The following NAALADL2 variants were observed in gnomAD, a reference collection of about 807,000 sequenced individuals.
NAALADL2 encodes N-acetylated alpha-linked acidic dipeptidase like 2, also known as inactive N-acetylated-alpha-linked acidic dipeptidase-like protein 2.
NAALADL2 carries 76 observed loss-of-function variants against 87.2 expected under a neutral mutation model. The observed-to-expected ratio is 0.87, with a 90% CI of 0.72 to 1.05. NAALADL2 has a LOEUF of 1.05. NAALADL2 is among the 50% of genes least tolerant of loss of function. NAALADL2 has a pLI of 0.00. For synonymous variants in NAALADL2, 354 were observed against 331.0 expected (o/e 1.07, Z -0.75); for missense variants, 1,089 against 945.8 (o/e 1.15, Z -1.99).
chr3:174,703,104 T>C (rs6769163), intron 2 of NAALADL2, among the ~76,000 whole-genome samples: 5,937 of 152,224 alleles, frequency 0.039, 418 homozygotes, highest in African/African-American at 0.14. Flanking sequence ...GGGGAATTGA[T>C]AAGATTTTTT....
At position 174,748,542 on chromosome 3, in the gene NAALADL2, C is replaced by T. The variant is rs2109029771; in HGVS notation, c.-9+10796C>T. On this transcript the variant is annotated intron_variant, in intron 3 of 3. Transcript: ENST00000434257. ...GGGAATAAATTCATGTTGTTTTAAG[C>T]CACTACATTTGTGGTGATTTGTTAC... 1.3e-5 allele frequency among the ~76,000 whole-genome samples: 2 copies of T among 152,188 alleles called. 1 individual carries two copies. The highest frequency in any genetic ancestry group is 4.2e-4 in the South Asian group (2 of 4,816).
At chr3:175,408,861 T>C (rs1712930473) in intron 5 of NAALADL2, among the ~76,000 whole-genome samples, 1 of 152,124 alleles carries the variant, frequency 6.6e-6, no homozygotes, top group Admixed American at 6.5e-5. Flanking sequence ...GTCAAATAGA[T>C]GAAAAAGTTG....
intron 4 of NAALADL2, among the ~76,000 whole-genome samples, chr3:175,285,683 G>A (rs1427797091): frequency 2.0e-5 from 3 of 152,006 alleles, no homozygotes; most frequent in Non-Finnish European, 4.4e-5. Context: ...TACATTTAAA[G>A]CAGTTACATT....
intron 3 of NAALADL2, among the ~76,000 whole-genome samples, chr3:174,854,229 G>T (rs1725597276): frequency 6.6e-6 from 1 of 152,102 alleles, no homozygotes; most frequent in South Asian, 2.1e-4. Context: ...ATCTTTTGCA[G>T]TACATGGATG....
intron 5 of NAALADL2, among the ~76,000 whole-genome samples, chr3:175,402,248 G>A (rs1770654754): frequency 6.6e-6 from 1 of 152,002 alleles, no homozygotes; most frequent in East Asian, 1.9e-4. Context: ...TCAATAAAAA[G>A]CAAATTGACA....
intron 11 of NAALADL2, among the ~76,000 whole-genome samples, chr3:175,642,531 C>T (rs1320848024): frequency 3.4e-5 from 5 of 147,978 alleles, no homozygotes; most frequent in Admixed American, 6.7e-5. Flanking sequence ...GACAGCGTCT[C>T]GCTCTGTCGC....
At chr3:174,593,879 G>T (rs1207485230) in intron 2 of NAALADL2, among the ~76,000 whole-genome samples, 1 of 152,128 alleles carries the variant, frequency 6.6e-6, no homozygotes, top group Non-Finnish European at 1.5e-5. Flanking sequence ...CAGTAATTGA[G>T]ACTAACACTG....
intron 11 of NAALADL2, among the ~76,000 whole-genome samples, chr3:175,696,731 C>A (rs1223054707): frequency 6.6e-6 from 1 of 152,094 alleles, no homozygotes; most frequent in African/African-American, 2.4e-5. Flanking sequence ...TAGAATACCA[C>A]AGACCAGGTA....
At chr3:175,647,009 A>T (rs75245395) in intron 11 of NAALADL2, among the ~76,000 whole-genome samples, 2 of 152,252 alleles carry the variant, frequency 1.3e-5, no homozygotes, top group South Asian at 4.1e-4. Flanking sequence ...TCAGAACTAT[A>T]TATCTATATG....
intron 1 of NAALADL2, among the ~76,000 whole-genome samples, chr3:174,868,685 G>C (rs1266761495): frequency 2.6e-5 from 4 of 152,114 alleles, no homozygotes; most frequent in Admixed American, 2.6e-4. Context: ...ATGACAGCAG[G>C]AATAGTATCC....
At chr3:175,016,393 A>G (rs938175897) in intron 1 of NAALADL2, among the ~76,000 whole-genome samples, 3 of 151,178 alleles carry the variant, frequency 2.0e-5, no homozygotes, top group African/African-American at 4.8e-5. Context: ...GATGCTTAGG[A>G]TATATTGCTC....
upstream of NAALADL2, chr3:174,859,238 C>T: frequency 1.7e-6 from 1 of 598,440 alleles, no homozygotes; most frequent in Non-Finnish European, 3.0e-6. Flanking sequence ...CATAGTAAAA[C>T]AGGTCCTGCA....
intron 1 of NAALADL2, among the ~76,000 whole-genome samples, chr3:174,887,846 A>G (rs1730368000): frequency 6.6e-6 from 1 of 151,120 alleles, no homozygotes; most frequent in African/African-American, 2.4e-5. Flanking sequence ...ACATGTGGAT[A>G]TAGTGATGAA....
chr3:175,014,708 T>C (rs780266688), intron 1 of NAALADL2, among the ~76,000 whole-genome samples: 1 of 152,160 alleles, frequency 6.6e-6, no homozygotes, highest in Non-Finnish European at 1.5e-5. Flanking sequence ...GTTACTTGTA[T>C]TTTACAGGAT....
intron 9 of NAALADL2, among the ~76,000 whole-genome samples, chr3:175,568,907 G>C (rs1355222247): frequency 1.3e-5 from 2 of 152,072 alleles, no homozygotes; most frequent in African/African-American, 4.8e-5. Context: ...CAATGTTTTG[G>C]CAATAACTGA....
intron 1 of NAALADL2, among the ~76,000 whole-genome samples, chr3:174,541,274 A>AT (rs1218154048): frequency 6.6e-6 from 1 of 152,184 alleles, no homozygotes; most frequent in African/African-American, 2.4e-5. Flanking sequence ...TATCAAGAGA[A>AT]TTTTCTCACA....
At chr3:175,157,224 A>G (rs1452853666) in intron 2 of NAALADL2, among the ~76,000 whole-genome samples, 1 of 152,146 alleles carries the variant, frequency 6.6e-6, no homozygotes, top group Non-Finnish European at 1.5e-5. Context: ...TCATGAGGAT[A>G]GGAAAAGATT....
chr3:174,990,820 T>A (rs1746629584), intron 1 of NAALADL2, among the ~76,000 whole-genome samples: 2 of 152,102 alleles, frequency 1.3e-5, no homozygotes, highest in Admixed American at 1.3e-4. Context: ...ATTTGATTGG[T>A]CTGGGGTACA....
intron 5 of NAALADL2, among the ~76,000 whole-genome samples, chr3:175,393,371 T>C (rs1213202367): frequency 6.7e-6 from 1 of 148,630 alleles, no homozygotes; most frequent in Admixed American, 6.7e-5. Flanking sequence ...GCTTTATTAA[T>C]ATAATAGTTA....
Sources: gnomAD v4.1 joint callset for allele counts (sites outside exome capture counted in the v4.1 genomes callset) on GRCh38, gnomAD v4.1.1 for gene constraint, MANE v1.5 for transcripts, NCBI Gene and HGNC (gene_info 2026-07-23, HGNC 2026-07-21) for gene names.